The following FAM20B variants were observed in gnomAD, a reference collection of about 807,000 sequenced individuals.
The protein encoded by FAM20B is glycosaminoglycan xylosylkinase.
Under a neutral mutation model 43.8 loss-of-function variants are expected in FAM20B, and 23 were observed. The observed-to-expected ratio is 0.53, with a 90% CI of 0.38 to 0.74. FAM20B has a LOEUF of 0.74. FAM20B is among the 30% of genes least tolerant of loss of function. FAM20B has a pLI of 0.00. For missense variants in FAM20B, 440 were observed against 510.5 expected (o/e 0.86, Z 1.33); for synonymous variants, 178 against 192.4 (o/e 0.93, Z 0.62).
chr1:179,032,912 C>T (rs1209551912), intron 1 of FAM20B, among the ~76,000 whole-genome samples: 1 of 152,070 alleles, frequency 6.6e-6, no homozygotes, highest in East Asian at 1.9e-4. Flanking sequence ...TCTTGACTGT[C>T]ACACAATACT....
chr1:179,070,558 T>G (rs4652351), intron 7 of FAM20B, among the ~76,000 whole-genome samples: 6 of 130,418 alleles, frequency 4.6e-5, no homozygotes, highest in African/African-American at 1.8e-4. Context: ...GGAGTCTTGC[T>G]CTTTTGCCCA....
chr1:179,050,044 A>C, intron 2 of FAM20B, among the ~76,000 whole-genome samples: 1 of 152,194 alleles, frequency 6.6e-6, no homozygotes, highest in East Asian at 1.9e-4. Context: ...GACAGCTTCC[A>C]TGTTTTATTC....
At chr1:179,064,661 C>A (rs1651617477) in intron 6 of FAM20B, among the ~76,000 whole-genome samples, 165 bp downstream of exon 6, 1 of 152,178 alleles carries the variant, frequency 6.6e-6, no homozygotes, top group Admixed American at 6.5e-5. Flanking sequence ...TCTCCACTCT[C>A]AGGGATCTCA....
intron 1 of FAM20B, chr1:179,035,718 T>TC (rs1173118620): frequency 3.1e-6 from 1 of 319,444 alleles, no homozygotes; most frequent in Non-Finnish European, 6.0e-6. Flanking sequence ...TCACTTTTTT[T>TC]CTGTGGAATC....
intron 4 of FAM20B, among the ~76,000 whole-genome samples, chr1:179,056,297 C>G (rs1651217986): frequency 6.6e-6 from 1 of 152,208 alleles, no homozygotes; most frequent in Non-Finnish European, 1.5e-5. Flanking sequence ...ATTCATCATT[C>G]TCCACCCCTC....
chr1:179,071,952 G>A lies in FAM20B; in HGVS notation c.1038G>A (p.Lys346=). Residue 346 remains lysine, a synonymous_variant, in exon 8 of 8, where the codon AAG becomes AAA. Transcript: ENST00000263733. ...VSTWNRLNYL[K]NGVLKSALKS... ...CCTGGAACAGACTGAACTACCTAAA[G>A]AATGGTGTGCTAAAGTCTGCCTTAA... 1.9e-6 allele frequency: 3 copies of A among 1,614,128 alleles called. No homozygotes were observed. Among genetic ancestry groups the A allele is most frequent in the Non-Finnish European group, 2.5e-6 (3 of 1,180,012 alleles).
intron 4 of FAM20B, among the ~76,000 whole-genome samples, chr1:179,056,999 G>A (rs1280574094): frequency 1.3e-5 from 2 of 152,106 alleles, no homozygotes; most frequent in African/African-American, 2.4e-5. Flanking sequence ...CAAGTTTTAG[G>A]AGTTCTTGGT....
chr1:179,024,205 G>C (rs1012926537), upstream of FAM20B, among the ~76,000 whole-genome samples: 5 of 152,146 alleles, frequency 3.3e-5, no homozygotes, highest in Non-Finnish European at 5.9e-5. Context: ...CACTGAAGTG[G>C]GTTGCTTGGA....
At chr1:179,064,925 G>C (rs1459502781) in intron 6 of FAM20B, among the ~76,000 whole-genome samples, 1 of 152,158 alleles carries the variant, frequency 6.6e-6, no homozygotes, top group Non-Finnish European at 1.5e-5. Flanking sequence ...TGCTATTTTT[G>C]TGTTTGTCTA....
intron 1 of FAM20B, among the ~76,000 whole-genome samples, chr1:179,036,316 C>CT (rs1465606123): frequency 6.6e-6 from 1 of 152,016 alleles, no homozygotes; most frequent in African/African-American, 2.4e-5. Context: ...TTTGTACTGC[C>CT]TTTTTTATAT....
intron 1 of FAM20B, among the ~76,000 whole-genome samples, chr1:179,030,291 GTAGTTTTCTGTAAAAAAA>G (rs1401902735): frequency 6.6e-6 from 1 of 151,664 alleles, no homozygotes; most frequent in Non-Finnish European, 1.5e-5. Flanking sequence ...TTATGTTCCT[GTAGTTTTCTGTAAAAAAA>G]AAAACAAAAT....
chr1:179,075,204 A>G lies in FAM20B; in HGVS notation c.*3060A>G, dbSNP rs1652082859. 1 of 151,648 alleles carries G rather than the reference A, an allele frequency of 6.6e-6. No homozygotes were observed. Among genetic ancestry groups the G allele is most frequent in the Admixed American group, 6.6e-5 (1 of 15,220 alleles). The allele number at this position is 151,648 out of a possible 1,614,324, so 9.4% of individuals were successfully genotyped here. ...GAGACTCTGTCTTAAAAAAAAAAAA[A>G]GGAGGTGAATTTTTTTTTAAGTTTT... On this transcript the variant is annotated 3_prime_UTR_variant, in exon 8 of 8. Transcript: ENST00000263733.
At chr1:179,067,094 T>C (rs1651721840) in intron 7 of FAM20B, among the ~76,000 whole-genome samples, 1 of 151,584 alleles carries the variant, frequency 6.6e-6, no homozygotes, top group Admixed American at 6.6e-5. Flanking sequence ...ATTGTATGTA[T>C]ACAGTAATAC....
chr1:179,020,079 C>A, the FAM20B span, among the ~76,000 whole-genome samples: 1 of 152,100 alleles, frequency 6.6e-6, no homozygotes, highest in African/African-American at 2.4e-5. Flanking sequence ...GAAAGGATCA[C>A]AAACTGTAGG....
At chr1:179,044,328 T>C in intron 2 of FAM20B, 104 bp downstream of exon 2, 2 of 1,315,352 alleles carry the variant, frequency 1.5e-6, no homozygotes. Context: ...GTCTCTTCAG[T>C]AAAATAAGAG....
chr1:179,064,171 G>T, intron 5 of FAM20B, 73 bp downstream of exon 5: 2 of 1,450,022 alleles, frequency 1.4e-6, no homozygotes, highest in South Asian at 2.5e-5. Flanking sequence ...AAAGGAGCCA[G>T]CAGTTCTGTC....
intron 1 of FAM20B, among the ~76,000 whole-genome samples, chr1:179,036,911 A>G (rs1252086860): frequency 6.6e-6 from 1 of 152,086 alleles, no homozygotes; most frequent in Non-Finnish European, 1.5e-5. Flanking sequence ...TATCAGGAGG[A>G]GATTGGAAGA....
intron 4 of FAM20B, among the ~76,000 whole-genome samples, chr1:179,061,076 A>ATTTT (rs67897742): frequency 2.4e-5 from 3 of 126,264 alleles, no homozygotes; most frequent in African/African-American, 6.1e-5. Context: ...TCTTTGTCGA[A>ATTTT]TTTTTTTTTT....
At chr1:179,025,766 A>C (rs563850358), upstream of FAM20B, 1 of 135,400 alleles carries the variant, frequency 7.4e-6, no homozygotes, top group Non-Finnish European at 1.6e-5. Flanking sequence ...GGCAGTCCGG[A>C]GCGGGTCCGG....
Sources: gnomAD v4.1 joint callset for allele counts (sites outside exome capture counted in the v4.1 genomes callset) on GRCh38, gnomAD v4.1.1 for gene constraint, MANE v1.5 for transcripts, NCBI Gene and HGNC (gene_info 2026-07-23, HGNC 2026-07-21) for gene names.